The following OSBPL8 variants were observed in gnomAD, a reference collection of about 807,000 sequenced individuals.
OSBPL8 encodes the protein oxysterol binding protein like 8.
Under a neutral mutation model 125.5 loss-of-function variants are expected in OSBPL8, and 59 were observed. The observed-to-expected ratio is 0.47, with a 90% CI of 0.38 to 0.58. The LOEUF (loss-of-function observed/expected upper bound fraction) is 0.58, where lower values mean the gene tolerates loss of function less well. Among genes scored for constraint, OSBPL8 ranks in the 20% least tolerant of loss-of-function variants. The probability of loss-of-function intolerance (pLI) is 0.00; values close to 1 mark genes in which losing one functional copy is unlikely to be tolerated. For synonymous variants in OSBPL8, 330 were observed against 338.9 expected (o/e 0.97, Z 0.29); for missense variants, 758 against 1,047.8 (o/e 0.72, Z 3.82).
chr12:76,497,424 GCA>G (rs1462372600), intron 1 of OSBPL8, among the ~76,000 whole-genome samples: 1 of 152,130 alleles, frequency 6.6e-6, no homozygotes, highest in African/African-American at 2.4e-5. Flanking sequence ...CGTGTAAATA[GCA>G]CAATTGTATG....
At chr12:76,453,410 G>A (rs748356168) in intron 3 of OSBPL8, among the ~76,000 whole-genome samples, 32 of 152,090 alleles carry the variant, frequency 2.1e-4, no homozygotes, top group Non-Finnish European at 4.1e-4. Flanking sequence ...TTGACCTAAA[G>A]AACATAGCAG....
rs1003759094 is a variant in OSBPL8 at position 76,354,528 on chromosome 12, C to G, written c.*1361G>C. The G allele has an allele frequency of 1.3e-5, 2 of 151,876 alleles. No individual in the cohort carries two copies. Among genetic ancestry groups the G allele is most frequent in the Non-Finnish European group, 2.9e-5 (2 of 67,820 alleles). 9.4% of individuals were successfully genotyped at this position (151,876 alleles called of 1,614,324 possible). ...CAGGGCAATTATTCTCTCTGACCTT[C>G]ATTTTCATTAAAAAAACATTTCAAA... is the stretch of plus-strand genomic sequence containing the variant. On this transcript the variant is annotated 3_prime_UTR_variant, in exon 24 of 24. Transcript: ENST00000261183.
At chr12:76,486,044 T>C (rs1264886982) in intron 2 of OSBPL8, 1 of 434,972 alleles carries the variant, frequency 2.3e-6, no homozygotes, top group East Asian at 7.0e-5. Flanking sequence ...CCATCCGTTT[T>C]TCATTTAAAT....
chr12:76,524,296 A>T (rs1327954908), intron 1 of OSBPL8, among the ~76,000 whole-genome samples: 1 of 152,222 alleles, frequency 6.6e-6, no homozygotes, highest in African/African-American at 2.4e-5. Flanking sequence ...CTATGTACAA[A>T]TTTAAATCTT....
rs572596937 is a variant in OSBPL8 at position 76,520,406 on chromosome 12, T to A, written c.-67-32788A>T. Among the ~76,000 whole-genome samples the A allele has an allele frequency of 9.9e-5, 15 of 152,256 alleles. No homozygotes were observed. In the South Asian group the frequency reaches 2.9e-3, roughly 29 times the overall value. The stretch of plus-strand genomic sequence containing the variant: ...TAGATCCAAGGCTCCATAAGGAAAA[T>A]CAGTTTACACAAATTAATGTGAGCC... On this transcript the variant is annotated intron_variant, in intron 1 of 23. Coordinates refer to ENST00000261183, the MANE Select transcript of OSBPL8 (RefSeq NM_020841.5).
rs375458301 is a variant in OSBPL8 at position 76,353,396 on chromosome 12, A to G, written c.*2493T>C. On this transcript the variant is annotated 3_prime_UTR_variant, in exon 24 of 24. Coordinates refer to ENST00000261183, the MANE Select transcript of OSBPL8 (RefSeq NM_020841.5). Reference sequence around the variant, plus strand: ...TTTAACAGCTAAAAAGAAAATGCACATGTGAATAATTATTACTCAATTAAA... The same window carrying G: ...TTTAACAGCTAAAAAGAAAATGCACGTGTGAATAATTATTACTCAATTAAA... 2 of 151,648 alleles carry G rather than the reference A, an allele frequency of 1.3e-5. No homozygotes were observed. Among genetic ancestry groups the G allele is most frequent in the East Asian group, 3.8e-4 (2 of 5,198 alleles). 9.4% of individuals were successfully genotyped at this position (151,648 alleles called of 1,614,324 possible).
intron 4 of OSBPL8, among the ~76,000 whole-genome samples, chr12:76,414,247 T>A (rs1868353368): frequency 6.6e-6 from 1 of 152,148 alleles, no homozygotes; most frequent in African/African-American, 2.4e-5. Flanking sequence ...CATCTAGCAC[T>A]TAAAGTACAG....
At chr12:76,445,276 A>G (rs968912298) in intron 4 of OSBPL8, among the ~76,000 whole-genome samples, 2 of 152,222 alleles carry the variant, frequency 1.3e-5, no homozygotes, top group African/African-American at 4.8e-5. Flanking sequence ...GACACTTTAT[A>G]ACTTCTAAAA....
chr12:76,392,870 G>T, intron 9 of OSBPL8, 118 bp from the exon 10 acceptor site: 1 of 976,448 alleles, frequency 1.0e-6, no homozygotes, highest in Non-Finnish European at 1.5e-6. Flanking sequence ...AAGTTAATCT[G>T]AACATAACAT....
At chr12:76,371,989 C>G (rs569204038) in intron 18 of OSBPL8, 1 of 154,716 alleles carries the variant, frequency 6.5e-6, no homozygotes, top group South Asian at 2.0e-4. Flanking sequence ...ACACACATCC[C>G]TCTGAAAGAG....
At position 76,375,332 on chromosome 12, in the gene OSBPL8, T is replaced by C. The variant is rs757497591; in HGVS notation, c.1768A>G (p.Thr590Ala). Residue 590 changes from threonine to alanine, a missense_variant, in exon 17 of 24, where the codon ACA becomes GCA. Thr to Ala is a moderately conservative substitution (Grantham distance 58, BLOSUM62 0). Transcript: ENST00000261183. The part of the protein sequence containing the change: ...YGTMTLELGG[T>A]VNITCQKTGY... ...GTTTTTTGACATGTAATATTGACTG[T>C]TCCACCAAGCTCCAGTGTCATTGTA... The C allele has an allele frequency of 6.2e-7, 1 of 1,612,400 alleles. No individual in the cohort carries two copies. Among genetic ancestry groups the C allele is most frequent in the Non-Finnish European group, 8.5e-7 (1 of 1,179,240 alleles).
intron 1 of OSBPL8, among the ~76,000 whole-genome samples, chr12:76,558,466 C>T (rs941472802): frequency 1.3e-5 from 2 of 152,172 alleles, no homozygotes; most frequent in Non-Finnish European, 2.9e-5. Flanking sequence ...AACTTAACTG[C>T]CATGCAGGAG....
intron 1 of OSBPL8, among the ~76,000 whole-genome samples, chr12:76,507,952 C>CCTGAGATCAGGAGT (rs936328946): frequency 1.3e-5 from 2 of 151,884 alleles, no homozygotes; most frequent in African/African-American, 2.4e-5. Flanking sequence ...AGGCAGATCA[C>CCTGAGATCAGGAGT]CTGAGATCAG....
At chr12:76,388,307 A>G (rs765731730) in intron 12 of OSBPL8, among the ~76,000 whole-genome samples, 2 of 152,246 alleles carry the variant, frequency 1.3e-5, no homozygotes, top group African/African-American at 4.8e-5. Context: ...GAATGCATCT[A>G]TACTTTTGGT....
At chr12:76,557,086 GT>G (rs1045154605) in intron 1 of OSBPL8, among the ~76,000 whole-genome samples, 2 of 151,508 alleles carry the variant, frequency 1.3e-5, no homozygotes, top group African/African-American at 4.9e-5. Context: ...TGCTATAAAT[GT>G]TTTTAACTTT....
chr12:76,528,699 G>A (rs1197833880), intron 1 of OSBPL8, among the ~76,000 whole-genome samples: 1 of 151,776 alleles, frequency 6.6e-6, no homozygotes, highest in Non-Finnish European at 1.5e-5. Context: ...CCCACACAAC[G>A]ATATAGCTAT....
intron 1 of OSBPL8, among the ~76,000 whole-genome samples, chr12:76,515,082 A>ATT (rs916542808): frequency 6.6e-5 from 10 of 151,946 alleles, no homozygotes; most frequent in Admixed American, 1.3e-4. Context: ...CTTGGATTGG[A>ATT]TTTTTCTGTA....
chr12:76,388,437 T>A (rs1953413127), intron 12 of OSBPL8, among the ~76,000 whole-genome samples: 1 of 152,164 alleles, frequency 6.6e-6, no homozygotes, highest in Non-Finnish European at 1.5e-5. Flanking sequence ...AAAAGTACAA[T>A]CTTTCTATTT....
chr12:76,545,969 C>T (rs1302421251), intron 1 of OSBPL8, among the ~76,000 whole-genome samples: 1 of 152,042 alleles, frequency 6.6e-6, no homozygotes, highest in Non-Finnish European at 1.5e-5. Context: ...TGCATGGGTC[C>T]ACTTATACAC....
Sources: gnomAD v4.1 joint callset for allele counts (sites outside exome capture counted in the v4.1 genomes callset) on GRCh38, gnomAD v4.1.1 for gene constraint, MANE v1.5 for transcripts, NCBI Gene and HGNC (gene_info 2026-07-23, HGNC 2026-07-21) for gene names.